DMBT1: variants seen among roughly 807,000 people sequenced by gnomAD.
DMBT1 encodes deleted in malignant brain tumors 1, also known as scavenger receptor cysteine-rich domain-containing protein DMBT1.
DMBT1 carries 198 observed loss-of-function variants against 252.9 expected under a neutral mutation model. The ratio of observed to expected loss-of-function variants is 0.78; its 90% CI spans 0.70 to 0.88. The LOEUF is 0.88. Among genes scored for constraint, DMBT1 ranks in the 40% least tolerant of loss-of-function variants. DMBT1 has a pLI of 0.00. For synonymous variants in DMBT1, 990 were observed against 942.7 expected (o/e 1.05, Z -0.92); for missense variants, 2,432 against 2,404.7 (o/e 1.01, Z -0.24).
Position 122,636,207 on chromosome 10 carries a change from C to T in DMBT1, c.6757+8C>T. On this transcript the variant is annotated splice_region_variant and intron_variant, in intron 53 of 55. Transcript: ENST00000338354. ...CCTCCAATGACAGCACCAGTAAGTC[C>T]CCTTGTGGAAATGCTCTGTTGGGAC... 6.2e-7 allele frequency: 1 copy of T among 1,609,346 alleles called. No homozygotes were observed. Among genetic ancestry groups the T allele is most frequent in the Non-Finnish European group, 8.5e-7 (1 of 1,176,372 alleles).
intron 5 of DMBT1, 105 bp from the exon 6 acceptor site, chr10:122,573,610 A>T: frequency 7.2e-7 from 1 of 1,388,592 alleles, no homozygotes; most frequent in Non-Finnish European, 1.0e-6. Context: ...TGGTGCCCTT[A>T]GGACCTGTGC....
intron 14 of DMBT1, 125 bp from the exon 15 acceptor site, chr10:122,585,146 G>T (rs1002880689): frequency 7.8e-7 from 1 of 1,286,022 alleles, no homozygotes; most frequent in Admixed American, 1.7e-5. Context: ...GACACATGGG[G>T]AGCAAAGTGG....
At chr10:122,586,519 G>C in intron 16 of DMBT1, 136 bp downstream of exon 16, 1 of 1,370,474 alleles carries the variant, frequency 7.3e-7, no homozygotes, top group Non-Finnish European at 9.7e-7. Flanking sequence ...TCTCTCCTAG[G>C]AAACCGCATG....
At chr10:122,638,305 T>G (rs1166668632) in intron 54 of DMBT1, among the ~76,000 whole-genome samples, 1 of 152,140 alleles carries the variant, frequency 6.6e-6, no homozygotes, top group Non-Finnish European at 1.5e-5. Flanking sequence ...TCACACCCAT[T>G]CACACTCGTT....
chr10:122,597,904 G>C, intron 24 of DMBT1, 70 bp from the exon 25 acceptor site: 1 of 1,610,738 alleles, frequency 6.2e-7, no homozygotes, highest in Non-Finnish European at 8.5e-7. Context: ...TGCCTTCTCC[G>C]GAGACCTTTC....
Position 122,643,198 on chromosome 10 carries a change from C to T in DMBT1, c.7429C>T (p.His2477Tyr), listed in dbSNP as rs534952521. The part of the protein sequence containing the change: ...RIARFRFRAF[H>Y]FLNRFPSVYL... ...TGCCCGCTTCCGGTTCAGGGCCTTCCACTTCCTGAACCGCTTCCCCTCCGT... is the reference window on the plus strand; with the variant it reads ...TGCCCGCTTCCGGTTCAGGGCCTTCTACTTCCTGAACCGCTTCCCCTCCGT... The change falls in exon 56 of 56, where the codon CAC becomes TAC. Residue 2477 changes from histidine to tyrosine, a missense_variant. By Grantham distance (83) the His-to-Tyr change is moderately conservative (BLOSUM62 2). Coordinates refer to ENST00000338354, the MANE Select transcript of DMBT1 (RefSeq NM_001377530.1). 1 of 1,613,980 alleles carries T rather than the reference C, an allele frequency of 6.2e-7. No homozygotes were observed. Among genetic ancestry groups the T allele is most frequent in the African/African-American group, 1.3e-5 (1 of 75,046 alleles).
intron 7 of DMBT1, among the ~76,000 whole-genome samples, chr10:122,577,084 A>G (rs2097719208): frequency 6.6e-6 from 1 of 152,212 alleles, no homozygotes; most frequent in Admixed American, 6.5e-5. Flanking sequence ...TGACTGAGGC[A>G]CCAGTGTTCA....
In DMBT1 at chr10:122,617,183, C is replaced by T. The variant is rs528328780; in HGVS notation, c.4859-45C>T. The T allele has an allele frequency of 3.4e-5, 54 of 1,592,664 alleles. 8 individuals are homozygous for T. In the East Asian group the frequency reaches 1.1e-3, roughly 32 times the overall value. On this transcript the variant is annotated intron_variant, in intron 39 of 55. Coordinates refer to ENST00000338354, the MANE Select transcript of DMBT1 (RefSeq NM_001377530.1). ...GAGAACCTTTTGTTCTGTGCCTTTTCCCTTCAAGTCTAATTCTGTCTTTTT... is the reference window on the plus strand; with the variant it reads ...GAGAACCTTTTGTTCTGTGCCTTTTTCCTTCAAGTCTAATTCTGTCTTTTT...
intron 45 of DMBT1, 147 bp downstream of exon 45, chr10:122,625,450 A>G: frequency 2.5e-6 from 2 of 807,022 alleles, no homozygotes; most frequent in Non-Finnish European, 4.1e-6. Flanking sequence ...TGACGAGCTG[A>G]GTTCCCACTG....
chr10:122,580,147 A>C (rs552859033), intron 10 of DMBT1, among the ~76,000 whole-genome samples: 4 of 152,134 alleles, frequency 2.6e-5, no homozygotes, highest in Non-Finnish European at 5.9e-5. Flanking sequence ...AGGAAGAGGC[A>C]GAAGAGAAAA....
intron 6 of DMBT1, among the ~76,000 whole-genome samples, chr10:122,574,200 C>T (rs948539776): frequency 6.6e-6 from 1 of 152,214 alleles, no homozygotes; most frequent in African/African-American, 2.4e-5. Flanking sequence ...ATTATGCCAC[C>T]CTTGTTTCTT....
At position 122,584,741 on chromosome 10, in the gene DMBT1, C is replaced by T. The variant is rs991908352; in HGVS notation, c.1420+390C>T. 1.4e-4 allele frequency among the ~76,000 whole-genome samples: 21 copies of T among 149,318 alleles called. 3 individuals carry two copies. The East Asian group carries it at 1.4e-3, about 10-fold the overall frequency. On this transcript the variant is annotated intron_variant, in intron 14 of 55. Transcript: ENST00000338354. ...CAGCTAAAGCCTTAAACATGGCTGC[C>T]GCCATGGGCAAGCAATGTCAGTGCA...
intron 2 of DMBT1, among the ~76,000 whole-genome samples, chr10:122,568,799 G>A (rs1435711048): frequency 6.6e-6 from 1 of 152,206 alleles, no homozygotes; most frequent in Non-Finnish European, 1.5e-5. Context: ...ATTCCCTTGG[G>A]TGACTTGCAT....
chr10:122,571,058 G>A (rs1253298073), intron 4 of DMBT1, 121 bp downstream of exon 4: 2 of 1,231,300 alleles, frequency 1.6e-6, no homozygotes, highest in Admixed American at 1.8e-5. Context: ...ATGTTCTCAG[G>A]TAGTGTGGAT....
intron 54 of DMBT1, among the ~76,000 whole-genome samples, chr10:122,637,937 T>C (rs1843769100): frequency 6.6e-6 from 1 of 152,182 alleles, no homozygotes; most frequent in Non-Finnish European, 1.5e-5. Flanking sequence ...GTGTCCCTTC[T>C]CTACAGGCTT....
At chr10:122,563,586 C>CAAAAAA (rs5788567) in intron 1 of DMBT1, among the ~76,000 whole-genome samples, 4,891 of 147,060 alleles carry the variant, frequency 0.033, 124 homozygotes, top group Non-Finnish European at 0.053. Flanking sequence ...GACTCTGTCT[C>CAAAAAA]AAAAAAAAAA....
chr10:122,578,674 C>G, intron 8 of DMBT1, 44 bp from the exon 9 acceptor site: 5 of 1,557,710 alleles, frequency 3.2e-6, no homozygotes, highest in Non-Finnish European at 4.4e-6. Context: ...TACCTTTTTC[C>G]CTTCAAGTCC....
chr10:122,629,416 C>T (rs1967654), intron 46 of DMBT1, among the ~76,000 whole-genome samples: 67,051 of 152,096 alleles, frequency 0.44, 17,558 homozygotes, highest in African/African-American at 0.71. Flanking sequence ...TTGGCAGAGT[C>T]CTGTGCTCAT....
rs202054356 is a variant in DMBT1 at position 122,598,849 on chromosome 10, A to G, written c.3032A>G (p.Gln1011Arg). 170 of 1,613,710 alleles carry G rather than the reference A, an allele frequency of 1.1e-4. 1 individual carries two copies. The highest frequency in any genetic ancestry group is 1.0e-3 in the East Asian group (47 of 44,864). The change falls in exon 26 of 56, where the codon CAA becomes CGA. Residue 1011 changes from glutamine to arginine, a missense_variant. Transcript: ENST00000338354. ...RCQGRVEVLY[Q>R]GSWGTVCDDS... ...CAGGGCCGAGTGGAGGTCCTATACC[A>G]AGGCTCCTGGGGCACCGTGTGCGAT...
Sources: gnomAD v4.1 joint callset for allele counts (sites outside exome capture counted in the v4.1 genomes callset) on GRCh38, gnomAD v4.1.1 for gene constraint, MANE v1.5 for transcripts, NCBI Gene and HGNC (gene_info 2026-07-23, HGNC 2026-07-21) for gene names.